The following GNG7 variants were observed in gnomAD, a reference collection of about 807,000 sequenced individuals.
The protein encoded by GNG7 is G protein subunit gamma 7, also known as guanine nucleotide-binding protein G(I)/G(S)/G(O) subunit gamma-7.
GNG7 carries 1 observed loss-of-function variant against 4.0 expected under a neutral mutation model. The ratio of observed to expected loss-of-function variants is 0.25; its 90% CI spans 0.09 to 1.18. GNG7 has a LOEUF of 1.18. GNG7 is among the 50% of genes most tolerant of loss of function. GNG7 has a pLI of 0.50. For synonymous variants in GNG7, 34 were observed against 36.9 expected, an observed-to-expected ratio of 0.92 and a Z score of 0.29; for missense variants, 86 against 91.9, an observed-to-expected ratio of 0.94 and a Z score of 0.26.
intron 1 of GNG7, among the ~76,000 whole-genome samples, chr19:2,670,772 G>A (rs1438019369): frequency 1.3e-5 from 2 of 150,638 alleles, no homozygotes; most frequent in Non-Finnish European, 3.0e-5. Flanking sequence ...CACAAGTTGT[G>A]ACAACCACAA....
chr19:2,654,231 C>T (rs577630300), intron 1 of GNG7, among the ~76,000 whole-genome samples: 5 of 152,246 alleles, frequency 3.3e-5, no homozygotes, highest in Admixed American at 6.5e-5. Flanking sequence ...TCTTTTCTGA[C>T]GCATACCCTC....
At chr19:2,597,084 C>T (rs36138179) in intron 2 of GNG7, among the ~76,000 whole-genome samples, 69,729 of 151,530 alleles carry the variant, frequency 0.46, 17,343 homozygotes, top group Non-Finnish European at 0.57. Flanking sequence ...CATAGCAAGA[C>T]CCAATCTCTA....
intron 2 of GNG7, among the ~76,000 whole-genome samples, chr19:2,556,049 G>A (rs1228811602): frequency 1.3e-5 from 2 of 152,216 alleles, no homozygotes; most frequent in Admixed American, 1.3e-4. Context: ...CCAGCTTCGC[G>A]GCAGCCTCCT....
At chr19:2,603,837 C>G (rs1366470271) in intron 2 of GNG7, among the ~76,000 whole-genome samples, 2 of 141,228 alleles carry the variant, frequency 1.4e-5, no homozygotes, top group African/African-American at 6.0e-5. Flanking sequence ...AGTGCCTGTT[C>G]TTTTATTATT....
intron 2 of GNG7, among the ~76,000 whole-genome samples, chr19:2,583,640 C>T (rs182744794): frequency 2.6e-4 from 39 of 152,304 alleles, no homozygotes; most frequent in Admixed American, 5.2e-4. Flanking sequence ...TGCAGAGGTG[C>T]ATATGCAAGC....
chr19:2,602,850 A>C (rs762917743), intron 2 of GNG7, among the ~76,000 whole-genome samples: 5 of 151,942 alleles, frequency 3.3e-5, no homozygotes, highest in African/African-American at 9.7e-5. Context: ...CTCTGCAAGG[A>C]AAGATGCGCT....
At chr19:2,686,912 C>G (rs147425463) in intron 1 of GNG7, among the ~76,000 whole-genome samples, 2,117 of 152,040 alleles carry the variant, frequency 0.014, 51 homozygotes, top group African/African-American at 0.049. Flanking sequence ...CCACCACATC[C>G]AGCTAACTTT....
rs1193649786 is a variant in GNG7 at position 2,657,355 on chromosome 19, AAAAAAAATATATATATATAT to A, written c.-134-11095_-134-11076del. ...TCTCAATTAAAAAAAAAAAAAAAAA[AAAAAAAATATATATATATAT>A]ATATATATATATATATATATATATA... On this transcript the variant is annotated intron_variant, in intron 1 of 4. Coordinates refer to ENST00000382159, the MANE Select transcript of GNG7 (RefSeq NM_052847.3). Among the ~76,000 whole-genome samples the A allele has an allele frequency of 2.1e-4, 4 of 19,156 alleles. 1 individual carries two copies. Among genetic ancestry groups the A allele is most frequent in the African/African-American group, 3.7e-4 (3 of 8,212 alleles). The allele number at this position is 19,156 out of a possible 152,430, so 12.6% of individuals were successfully genotyped here.
At chr19:2,600,262 C>CAAA (rs551659880) in intron 2 of GNG7, among the ~76,000 whole-genome samples, 2 of 132,424 alleles carry the variant, frequency 1.5e-5, no homozygotes. Flanking sequence ...AACTATTTTT[C>CAAA]AAAAAAAAAA....
In GNG7 at chr19:2,514,864, C is replaced by T. The variant is rs1023398644; in HGVS notation, c.*158G>A. The T allele has an allele frequency of 1.1e-4, 67 of 619,744 alleles. No individual in the cohort carries two copies. The highest frequency in any genetic ancestry group is 1.6e-4 in the Non-Finnish European group (58 of 363,924). The allele number at this position is 619,744 out of a possible 1,614,324, so 38.4% of individuals were successfully genotyped here. ...CGGGCGGTGGGAACGCCTTTTTTGG[C>T]GGGGAGAGGGGGGATTTCTTTTGGA... On this transcript the variant is annotated 3_prime_UTR_variant, in exon 5 of 5. Coordinates refer to ENST00000382159, the MANE Select transcript of GNG7 (RefSeq NM_052847.3).
chr19:2,682,427 G>T (rs924844759), intron 1 of GNG7, among the ~76,000 whole-genome samples: 1 of 151,608 alleles, frequency 6.6e-6, no homozygotes, highest in Admixed American at 6.6e-5. Context: ...CATTTCGGGA[G>T]GCCAAGGCGG....
intron 2 of GNG7, among the ~76,000 whole-genome samples, chr19:2,639,467 T>G (rs1982422606): frequency 5.8e-5 from 2 of 34,218 alleles, no homozygotes; most frequent in Non-Finnish European, 1.2e-4. Context: ...AAAACAAAGA[T>G]GAGCGCCCCT....
At position 2,634,317 on chromosome 19, in the gene GNG7, C is replaced by T. The variant is rs942208101; in HGVS notation, c.-78+11907G>A. On this transcript the variant is annotated intron_variant, in intron 2 of 4. Coordinates refer to ENST00000382159, the MANE Select transcript of GNG7 (RefSeq NM_052847.3). This position sits in a 1 kb window ranked among gnomAD's most constrained non-coding sequence, Gnocchi z 5.3. Reference sequence around the variant, plus strand: ...CTGAGCAGTATCCCTGGCCTCCACCCACTCCATGCCAGGAGCTCCCCCAAG... The same window carrying T: ...CTGAGCAGTATCCCTGGCCTCCACCTACTCCATGCCAGGAGCTCCCCCAAG... Among the ~76,000 whole-genome samples, 2 of 152,218 alleles carry T rather than the reference C, an allele frequency of 1.3e-5. No individual in the cohort carries two copies. Among genetic ancestry groups the T allele is most frequent in the African/African-American group, 2.4e-5 (1 of 41,450 alleles).
chr19:2,670,676 G>A (rs1473536197), intron 1 of GNG7, among the ~76,000 whole-genome samples: 1 of 152,096 alleles, frequency 6.6e-6, no homozygotes, highest in African/African-American at 2.4e-5. Flanking sequence ...TGTTCTCTCG[G>A]GCGGGGCTGT....
At position 2,557,419 on chromosome 19, in the gene GNG7, C is replaced by G. The variant is rs115805808; in HGVS notation, c.-77-2231G>C. 6.6e-6 allele frequency among the ~76,000 whole-genome samples: 1 copy of G among 152,194 alleles called. No homozygotes were observed. The highest frequency in any genetic ancestry group is 2.4e-5 in the African/African-American group (1 of 41,426). Reference sequence around the variant, plus strand: ...CGAGCGCCTCCACCCAGCCCTGCATCTGAAGCAAGGTCCTGCTAGTAAACA... The same window carrying G: ...CGAGCGCCTCCACCCAGCCCTGCATGTGAAGCAAGGTCCTGCTAGTAAACA... On this transcript the variant is annotated intron_variant, in intron 2 of 4. Coordinates refer to ENST00000382159, the MANE Select transcript of GNG7 (RefSeq NM_052847.3). This position sits in a 1 kb window ranked among gnomAD's most constrained non-coding sequence, Gnocchi z 5.1.
Position 2,515,139 on chromosome 19 carries a change from T to C in GNG7, c.90A>G (p.Lys30=), listed in dbSNP as rs1419795306. 2.0e-5 allele frequency: 32 copies of C among 1,613,770 alleles called. No individual in the cohort carries two copies. Among genetic ancestry groups the C allele is most frequent in the Non-Finnish European group, 2.7e-5 (32 of 1,179,994 alleles). Residue 30 remains lysine, a synonymous_variant, in exon 5 of 5, where the codon AAA becomes AAG. Transcript: ENST00000382159. ...EAGIERIKVS[K]AASDLMSYCE... The stretch of plus-strand genomic sequence containing the variant: ...AGTAGCTCATGAGGTCAGACGCCGC[T>C]TTGGAGACCTGTGTTTGAGCACAAG...
chr19:2,600,484 T>C (rs1981166357), intron 2 of GNG7, among the ~76,000 whole-genome samples: 2 of 150,672 alleles, frequency 1.3e-5, no homozygotes, highest in South Asian at 4.2e-4. Context: ...TTTTTTTTTT[T>C]TTTGTGAGAT....
intron 1 of GNG7, among the ~76,000 whole-genome samples, chr19:2,684,508 G>A (rs76042314): frequency 9.4e-4 from 143 of 152,092 alleles, no homozygotes; most frequent in East Asian, 9.0e-3. Context: ...ACGGATCAAC[G>A]TAGCGTGGTC....
At position 2,512,381 on chromosome 19, in the gene GNG7, T is replaced by A; in HGVS notation, c.*2641A>T. The A allele has an allele frequency of 1.0e-6, 1 of 984,436 alleles. No homozygotes were observed. The highest frequency in any genetic ancestry group is 1.2e-6 in the Non-Finnish European group (1 of 828,948). The allele number at this position is 984,436 out of a possible 1,614,324, so 61.0% of individuals were successfully genotyped here. On this transcript the variant is annotated 3_prime_UTR_variant, in exon 5 of 5. Transcript: ENST00000382159. The surrounding 1 kb of genome is among the most constrained non-coding windows in gnomAD (Gnocchi z 4.7). ...AAAAAAAAGTGGAGAATTTTTTTTTTAATCCCCCAAGCTAGAAAGAAACCC... is the reference window on the plus strand; with the variant it reads ...AAAAAAAAGTGGAGAATTTTTTTTTAAATCCCCCAAGCTAGAAAGAAACCC...
Sources: gnomAD v4.1 joint callset for allele counts (sites outside exome capture counted in the v4.1 genomes callset) on GRCh38, gnomAD v4.1.1 for gene constraint, Gnocchi (gnomAD v3.1) non-coding constraint, MANE v1.5 for transcripts, NCBI Gene and HGNC (gene_info 2026-07-23, HGNC 2026-07-21) for gene names.